Variants in AGAP1 observed in about 807,000 individuals in gnomAD.
The protein encoded by AGAP1 is ArfGAP with GTPase domain, ankyrin repeat and PH domain 1, also known as arf-GAP with GTPase, ANK repeat and PH domain-containing protein 1.
AGAP1 carries 29 observed loss-of-function variants against 105.3 expected under a neutral mutation model. That is an observed-to-expected ratio of 0.28 (90% CI 0.21 to 0.38). AGAP1 has a LOEUF of 0.38. Ranked by LOEUF, AGAP1 falls within the 10% of genes least tolerant of loss-of-function variation. The pLI is 1.00. For missense variants in AGAP1, 998 were observed against 1,165.1 expected (o/e 0.86, Z 2.09); for synonymous variants, 509 against 485.9 (o/e 1.05, Z -0.63).
Position 235,865,815 on chromosome 2 carries a change from C to T in AGAP1, c.1051-17530C>T, listed in dbSNP as rs1399071408. On this transcript the variant is annotated intron_variant, in intron 9 of 17. Coordinates refer to ENST00000304032, the MANE Select transcript of AGAP1 (RefSeq NM_001037131.3). This position sits in a 1 kb window ranked among gnomAD's most constrained non-coding sequence, Gnocchi z 6.2. Reference sequence around the variant, plus strand: ...TCTGCTGGTCACATTTTCTAGTCATCTCCTTTTACCAAAATTTACCTCCCA... The same window carrying T: ...TCTGCTGGTCACATTTTCTAGTCATTTCCTTTTACCAAAATTTACCTCCCA... 1.3e-5 allele frequency among the ~76,000 whole-genome samples: 2 copies of T among 152,190 alleles called. No individual in the cohort carries two copies. Among genetic ancestry groups the T allele is most frequent in the East Asian group, 1.9e-4 (1 of 5,194 alleles).
At position 235,601,061 on chromosome 2, in the gene AGAP1, T is replaced by TGGTGGGG. The variant is rs1446108737; in HGVS notation, c.163+106212_163+106213insGGTGGGG. 6.6e-6 allele frequency among the ~76,000 whole-genome samples: 1 copy of TGGTGGGG among 152,186 alleles called. No homozygotes were observed. The highest frequency in any genetic ancestry group is 1.5e-5 in the Non-Finnish European group (1 of 68,030). ...AAGCTGGGAAACGCCACTGCCACAG[T>TGGTGGGG]ACCTGCAGGGTCCAGCCAGCTCCCC... On this transcript the variant is annotated intron_variant, in intron 1 of 17. Transcript: ENST00000304032. This position sits in a 1 kb window ranked among gnomAD's most constrained non-coding sequence, Gnocchi z 4.4.
At chr2:235,848,072 G>A (rs1382764658) in intron 9 of AGAP1, among the ~76,000 whole-genome samples, 1 of 152,196 alleles carries the variant, frequency 6.6e-6, no homozygotes, top group Admixed American at 6.5e-5. Context: ...GTTTCTGGGT[G>A]CCCTAGACAG....
At chr2:235,924,625 G>C (rs1197735606) in intron 11 of AGAP1, among the ~76,000 whole-genome samples, 1 of 152,168 alleles carries the variant, frequency 6.6e-6, no homozygotes, top group Admixed American at 6.5e-5. Flanking sequence ...ACAGTCTCTT[G>C]CAGCAATAGC....
rs888525410 is a variant in AGAP1 at position 235,865,946 on chromosome 2, C to T, written c.1051-17399C>T. Among the ~76,000 whole-genome samples the T allele has an allele frequency of 6.6e-6, 1 of 152,144 alleles. No individual in the cohort carries two copies. The highest frequency in any genetic ancestry group is 2.4e-5 in the African/African-American group (1 of 41,426). On this transcript the variant is annotated intron_variant, in intron 9 of 17. Coordinates refer to ENST00000304032, the MANE Select transcript of AGAP1 (RefSeq NM_001037131.3). The surrounding 1 kb of genome is among the most constrained non-coding windows in gnomAD (Gnocchi z 6.2). ...ACACAACGAATGATTTCTATGTTAT[C>T]GATTTACTTCTTTCACTTAACGGCA...
At chr2:235,562,084 C>T (rs1944171702) in intron 1 of AGAP1, among the ~76,000 whole-genome samples, 1 of 152,070 alleles carries the variant, frequency 6.6e-6, no homozygotes, top group South Asian at 2.1e-4. Context: ...TAGTGTTACA[C>T]CTTTGCATGT....
Position 235,704,969 on chromosome 2 carries a change from C to CTTTTTTTTT in AGAP1, c.164-4191_164-4183dup, listed in dbSNP as rs969370505. Among the ~76,000 whole-genome samples, 125 of 59,718 alleles carry CTTTTTTTTT rather than the reference C, an allele frequency of 2.1e-3. 4 individuals carry two copies. The highest frequency in any genetic ancestry group is 5.1e-3 in the East Asian group (11 of 2,142). 39.2% of individuals were successfully genotyped at this position (59,718 alleles called of 152,430 possible). On this transcript the variant is annotated intron_variant, in intron 1 of 17. Transcript: ENST00000304032. ...ATTGTAAAATACAAGATGCTTTTTT[C>CTTTTTTTTT]TTTTTTTTTTTTTTTTTTTTTTTTT... is the stretch of plus-strand genomic sequence containing the variant.
In AGAP1 at chr2:235,904,379, G is replaced by A. The variant is rs1478403380; in HGVS notation, c.1156-4359G>A. On this transcript the variant is annotated intron_variant, in intron 10 of 17. Transcript: ENST00000304032. The surrounding 1 kb of genome is among the most constrained non-coding windows in gnomAD (Gnocchi z 4.2). ...CGCATGATGATCATGGACAACTTGA[G>A]AAGGAAAATGCAAATAGGTTTGCAA... Among the ~76,000 whole-genome samples the A allele has an allele frequency of 2.0e-5, 3 of 152,142 alleles. No homozygotes were observed. Among genetic ancestry groups the A allele is most frequent in the African/African-American group, 4.8e-5 (2 of 41,430 alleles).
chr2:235,897,560 G>A (rs972529143), intron 10 of AGAP1, among the ~76,000 whole-genome samples: 1 of 152,138 alleles, frequency 6.6e-6, no homozygotes. Context: ...AGTATGCCGC[G>A]TGATATGTCA....
rs2054280656 is a variant in AGAP1 at position 235,963,758 on chromosome 2, A to C, written c.1484-4704A>C. Among the ~76,000 whole-genome samples the C allele has an allele frequency of 6.6e-6, 1 of 152,192 alleles. No individual in the cohort carries two copies. The highest frequency in any genetic ancestry group is 1.5e-5 in the Non-Finnish European group (1 of 68,032). On this transcript the variant is annotated intron_variant, in intron 12 of 17. Coordinates refer to ENST00000304032, the MANE Select transcript of AGAP1 (RefSeq NM_001037131.3). This position sits in a 1 kb window ranked among gnomAD's most constrained non-coding sequence, Gnocchi z 5.1. ...GATGGATATATGGGAGTATATGCTCAGAACGGTCAAGCATAACTAAGGCGA... is the reference window on the plus strand; with the variant it reads ...GATGGATATATGGGAGTATATGCTCCGAACGGTCAAGCATAACTAAGGCGA...
At chr2:235,685,838 C>T (rs972462898) in intron 1 of AGAP1, among the ~76,000 whole-genome samples, 7 of 151,968 alleles carry the variant, frequency 4.6e-5, no homozygotes, top group African/African-American at 1.2e-4. Flanking sequence ...ACAACATGTG[C>T]CCGAGGTGGC....
Position 235,716,071 on chromosome 2 carries a change from T to C in AGAP1, c.223-1486T>C, listed in dbSNP as rs539451115. 1.6e-3 allele frequency among the ~76,000 whole-genome samples: 250 copies of C among 151,962 alleles called. 1 individual carries two copies. The highest frequency in any genetic ancestry group is 4.9e-3 in the African/African-American group (202 of 41,334). ...GATTTGGGAATAGGCAGCTTTTTTT[T>C]CCCCCCACATCCAACCTTCTATCAA... On this transcript the variant is annotated intron_variant, in intron 2 of 17. Coordinates refer to ENST00000304032, the MANE Select transcript of AGAP1 (RefSeq NM_001037131.3). The surrounding 1 kb of genome is among the most constrained non-coding windows in gnomAD (Gnocchi z 4.0).
Position 235,968,453 on chromosome 2 carries a change from C to A in AGAP1, c.1484-9C>A, listed in dbSNP as rs755684114. ...TTTTTTTTTTTTGCCTTTTCCGGTC[C>A]AATGGCAGACACAGGGCTGGGTGAC... On this transcript the variant is annotated splice_polypyrimidine_tract_variant and intron_variant, in intron 12 of 17. Coordinates refer to ENST00000304032, the MANE Select transcript of AGAP1 (RefSeq NM_001037131.3). 1 of 1,553,022 alleles carries A rather than the reference C, an allele frequency of 6.4e-7. No individual in the cohort carries two copies. The highest frequency in any genetic ancestry group is 2.4e-5 in the East Asian group (1 of 41,900).
intron 1 of AGAP1, among the ~76,000 whole-genome samples, chr2:235,538,867 A>T (rs1199672359): frequency 6.6e-6 from 1 of 152,160 alleles, no homozygotes; most frequent in African/African-American, 2.4e-5. Flanking sequence ...AAAAGTTTTT[A>T]AAAGTAAGTG....
At chr2:235,643,898 G>T (rs182177498) in intron 1 of AGAP1, among the ~76,000 whole-genome samples, 4 of 152,096 alleles carry the variant, frequency 2.6e-5, no homozygotes, top group Non-Finnish European at 5.9e-5. Context: ...TGGTTCTTCT[G>T]TGTCCTGTGA....
At chr2:236,032,527 G>A (rs1276503223) in intron 13 of AGAP1, among the ~76,000 whole-genome samples, 2 of 152,156 alleles carry the variant, frequency 1.3e-5, no homozygotes, top group African/African-American at 4.8e-5. Flanking sequence ...GCCCCTGGCT[G>A]TTCCTTGATC....
Position 235,724,785 on chromosome 2 carries a change from A to T in AGAP1, c.310+7141A>T, listed in dbSNP as rs1951567211. Reference sequence around the variant, plus strand: ...ACAGTTCCCTAACTCAGGAAAGTCGAGTTTCTGAGCATAAGTCATAGGAAA... The same window carrying T: ...ACAGTTCCCTAACTCAGGAAAGTCGTGTTTCTGAGCATAAGTCATAGGAAA... On this transcript the variant is annotated intron_variant, in intron 3 of 17. Coordinates refer to ENST00000304032, the MANE Select transcript of AGAP1 (RefSeq NM_001037131.3). This position sits in a 1 kb window ranked among gnomAD's most constrained non-coding sequence, Gnocchi z 4.9. Among the ~76,000 whole-genome samples, 1 of 146,678 alleles carries T rather than the reference A, an allele frequency of 6.8e-6. No homozygotes were observed. Among genetic ancestry groups the T allele is most frequent in the South Asian group, 2.1e-4 (1 of 4,756 alleles).
rs2059446675 is a variant in AGAP1 at position 236,104,897 on chromosome 2, C to T, written c.2115-15295C>T. Reference sequence around the variant, plus strand: ...CCTGGGCTACAGAGCGAGACTCTGTCTCAAGGAAAAAAAAAAGGACTAGCG... The same window carrying T: ...CCTGGGCTACAGAGCGAGACTCTGTTTCAAGGAAAAAAAAAAGGACTAGCG... On this transcript the variant is annotated intron_variant, in intron 16 of 17. Coordinates refer to ENST00000304032, the MANE Select transcript of AGAP1 (RefSeq NM_001037131.3). The surrounding 1 kb of genome is among the most constrained non-coding windows in gnomAD (Gnocchi z 4.7). 6.6e-6 allele frequency among the ~76,000 whole-genome samples: 1 copy of T among 151,330 alleles called. No homozygotes were observed. The highest frequency in any genetic ancestry group is 1.5e-5 in the Non-Finnish European group (1 of 67,864).
chr2:235,717,618 C>A lies in AGAP1; in HGVS notation c.284C>A (p.Thr95Lys). The A allele has an allele frequency of 6.2e-7, 1 of 1,605,110 alleles. No homozygotes were observed. The highest frequency in any genetic ancestry group is 8.5e-7 in the Non-Finnish European group (1 of 1,178,170). Residue 95 changes from threonine to lysine, a missense_variant, in exon 3 of 18, where the codon ACA becomes AAA. This residue lies in a region of AGAP1 where 735 missense variants were observed against 833.4 expected (regional missense o/e 0.88). Coordinates refer to ENST00000304032, the MANE Select transcript of AGAP1 (RefSeq NM_001037131.3). The stretch of plus-strand genomic sequence containing the variant: ...CTGGTGCACCGGTACCTGACGGGCA[C>A]ATATGTCCAGGAGGAGTCTCCGGAA... ...SALVHRYLTG[T>K]YVQEESPEGG...
rs115689402 is a variant in AGAP1, at chr2:235,732,450, G to T, written c.311-8513G>T. On this transcript the variant is annotated intron_variant, in intron 3 of 17. Coordinates refer to ENST00000304032, the MANE Select transcript of AGAP1 (RefSeq NM_001037131.3). This position sits in a 1 kb window ranked among gnomAD's most constrained non-coding sequence, Gnocchi z 4.8. Reference sequence around the variant, plus strand: ...ATTGTTTCAAATTCTCATACTGGAGGTTCTCGTCTCCTGGAATGGCTGTTC... The same window carrying T: ...ATTGTTTCAAATTCTCATACTGGAGTTTCTCGTCTCCTGGAATGGCTGTTC... 6.6e-6 allele frequency among the ~76,000 whole-genome samples: 1 copy of T among 152,156 alleles called. No individual in the cohort carries two copies. The highest frequency in any genetic ancestry group is 2.4e-5 in the African/African-American group (1 of 41,420).
Sources: gnomAD v4.1 joint callset for allele counts (sites outside exome capture counted in the v4.1 genomes callset) on GRCh38, gnomAD v4.1.1 for gene constraint, gnomAD v4.1.1 regional missense constraint, Gnocchi (gnomAD v3.1) non-coding constraint, MANE v1.5 for transcripts, NCBI Gene and HGNC (gene_info 2026-07-23, HGNC 2026-07-21) for gene names.